Variants in DIP2B observed in about 807,000 individuals in gnomAD.
DIP2B encodes DIP2 acetate--CoA ligase B (putative).
In DIP2B, 76 loss-of-function variants were observed where a neutral mutation model predicts 198.0. The observed-to-expected ratio is 0.38, with a 90% CI of 0.32 to 0.46. DIP2B has a LOEUF of 0.46. Ranked by LOEUF, DIP2B falls within the 20% of genes least tolerant of loss-of-function variation. The pLI is 0.99. For synonymous variants in DIP2B, 701 were observed against 739.1 expected (o/e 0.95, Z 0.84); for missense variants, 1,559 against 1,978.4 (o/e 0.79, Z 4.02).
chr12:50,619,640 T>A (rs1481004984), intron 1 of DIP2B, among the ~76,000 whole-genome samples: 1 of 152,252 alleles, frequency 6.6e-6, no homozygotes, highest in Non-Finnish European at 1.5e-5. Flanking sequence ...TGTCCCCACT[T>A]GGCCAGTAGG....
At position 50,607,954 on chromosome 12, in the gene DIP2B, C is replaced by T. The variant is rs144462498; in HGVS notation, c.101-18022C>T. On this transcript the variant is annotated intron_variant, in intron 1 of 37. Transcript: ENST00000301180. ...GACTGCAGGTGTGCGCCACTACGCC[C>T]GGCTAATTTTGTATTTTTTGTAGAG... 7.2e-5 allele frequency among the ~76,000 whole-genome samples: 11 copies of T among 152,154 alleles called. No individual in the cohort carries two copies. The East Asian group carries it at 1.2e-3, about 16-fold the overall frequency.
intron 1 of DIP2B, among the ~76,000 whole-genome samples, chr12:50,619,056 C>T (rs1937754452): frequency 6.6e-6 from 1 of 152,152 alleles, no homozygotes; most frequent in South Asian, 2.1e-4. Flanking sequence ...TATCACCACC[C>T]CTGACTGCAT....
intron 1 of DIP2B, among the ~76,000 whole-genome samples, chr12:50,552,872 ATTTT>A (rs1342405458): frequency 6.6e-6 from 1 of 151,392 alleles, no homozygotes; most frequent in Admixed American, 6.6e-5. Context: ...TTATTTATTT[ATTTT>A]TTCCCAGAGT....
chr12:50,592,575 T>C (rs1958829107), intron 1 of DIP2B, among the ~76,000 whole-genome samples: 1 of 152,092 alleles, frequency 6.6e-6, no homozygotes, highest in African/African-American at 2.4e-5. Flanking sequence ...CCTCCTGAGT[T>C]CCAGCAATTC....
Position 50,728,625 on chromosome 12 carries a change from C to A in DIP2B, c.3588C>A (p.Ala1196=). ...QCELYSSRQI[A]ICLDPYCGLG... ...AGTTGTACTCTTCTCGGCAGATCGC[C>A]ATCTGCCTTGACCCTTACTGTGGAC... Residue 1196 remains alanine, a synonymous_variant, in exon 30 of 38, where the codon GCC becomes GCA. Coordinates refer to ENST00000301180, the MANE Select transcript of DIP2B (RefSeq NM_173602.3). The A allele has an allele frequency of 6.2e-7, 1 of 1,614,170 alleles. No individual in the cohort carries two copies. The highest frequency in any genetic ancestry group is 8.5e-7 in the Non-Finnish European group (1 of 1,180,030).
At chr12:50,712,839 C>T (rs1026033800) in intron 22 of DIP2B, among the ~76,000 whole-genome samples, 7 of 151,978 alleles carry the variant, frequency 4.6e-5, no homozygotes, top group Admixed American at 1.3e-4. Context: ...ACCCAGGAGG[C>T]GGAGGTTGCA....
At chr12:50,727,594 T>G in intron 28 of DIP2B, 109 bp from the exon 29 acceptor site, 1 of 956,030 alleles carries the variant, frequency 1.0e-6, no homozygotes, top group Non-Finnish European at 1.7e-6. Flanking sequence ...AGGCCTAAGC[T>G]TTAGCAAATC....
intron 3 of DIP2B, among the ~76,000 whole-genome samples, chr12:50,652,027 A>G (rs1276415668): frequency 2.0e-5 from 3 of 152,082 alleles, no homozygotes; most frequent in Non-Finnish European, 2.9e-5. Context: ...TAAAAATACA[A>G]AAATTAGCTG....
chr12:50,660,548 G>T (rs1302692643), intron 4 of DIP2B, among the ~76,000 whole-genome samples: 3 of 151,324 alleles, frequency 2.0e-5, no homozygotes, highest in Non-Finnish European at 2.9e-5. Flanking sequence ...CTTTCCTTCT[G>T]AATTTCCAGT....
chr12:50,632,779 C>T (rs752921584), intron 2 of DIP2B, among the ~76,000 whole-genome samples: 2 of 151,876 alleles, frequency 1.3e-5, no homozygotes, highest in African/African-American at 4.8e-5. Flanking sequence ...TCAAGTAATC[C>T]GCCTCCCTTC....
chr12:50,540,031 C>G (rs2139373195), intron 1 of DIP2B, among the ~76,000 whole-genome samples: 1 of 132,444 alleles, frequency 7.6e-6, no homozygotes, highest in South Asian at 2.4e-4. Context: ...CACCAGCTGG[C>G]AGGTAGTTTA....
intron 1 of DIP2B, among the ~76,000 whole-genome samples, chr12:50,538,850 T>C (rs778896259): frequency 3.9e-5 from 6 of 152,184 alleles, no homozygotes; most frequent in Admixed American, 3.3e-4. Context: ...ATTACCAAAC[T>C]GCTTCAAAGA....
intron 1 of DIP2B, among the ~76,000 whole-genome samples, chr12:50,531,733 G>A (rs934804265): frequency 1.5e-4 from 23 of 152,112 alleles, no homozygotes; most frequent in Admixed American, 1.3e-3. Flanking sequence ...CGTGTGAGGT[G>A]GAGAGAAAGG....
intron 33 of DIP2B, 140 bp from the exon 34 acceptor site, chr12:50,734,933 G>C (rs1327519371): frequency 9.9e-7 from 1 of 1,005,418 alleles, no homozygotes; most frequent in East Asian, 2.5e-5. Context: ...AATGTTAGTA[G>C]TGCTGAGTTT....
At chr12:50,562,273 A>G (rs1328645295) in intron 1 of DIP2B, among the ~76,000 whole-genome samples, 2 of 152,192 alleles carry the variant, frequency 1.3e-5, no homozygotes, top group Non-Finnish European at 2.9e-5. Context: ...GTTATATAGC[A>G]TAGTGAGGGA....
chr12:50,662,084 CCT>C (rs1286728923), intron 4 of DIP2B, among the ~76,000 whole-genome samples: 2 of 151,992 alleles, frequency 1.3e-5, no homozygotes, highest in East Asian at 3.8e-4. Flanking sequence ...CTAATGTTCT[CCT>C]CTGTCTGCAG....
intron 19 of DIP2B, among the ~76,000 whole-genome samples, chr12:50,699,687 C>G (rs1939382642): frequency 6.6e-6 from 1 of 151,906 alleles, no homozygotes; most frequent in African/African-American, 2.4e-5. Flanking sequence ...GTAGCAAGAT[C>G]CCATCTCTAC....
intron 2 of DIP2B, among the ~76,000 whole-genome samples, chr12:50,629,036 A>G (rs572483780): frequency 2.0e-5 from 3 of 151,462 alleles, no homozygotes; most frequent in Non-Finnish European, 2.9e-5. Context: ...GAGCTCCCAC[A>G]CCCAGCTAAT....
intron 1 of DIP2B, among the ~76,000 whole-genome samples, chr12:50,563,598 C>G (rs1352500023): frequency 6.6e-6 from 1 of 150,674 alleles, no homozygotes; most frequent in Admixed American, 6.7e-5. Flanking sequence ...TTAAGTGATC[C>G]TCTTCTCTTG....
Sources: allele counts gnomAD v4.1 joint callset (sites outside exome capture counted in the v4.1 genomes callset), GRCh38; gene constraint gnomAD v4.1.1; transcripts MANE v1.5; gene names NCBI Gene and HGNC (gene_info 2026-07-23, HGNC 2026-07-21).